Variants in GALNT3 observed in about 807,000 individuals in gnomAD.
The protein encoded by GALNT3 is polypeptide N-acetylgalactosaminyltransferase 3, also known as GalNAc transferase 3.
Under a neutral mutation model 69.8 loss-of-function variants are expected in GALNT3, and 51 were observed. That is an observed-to-expected ratio of 0.73 (90% CI 0.58 to 0.92). The LOEUF is 0.92. Ranked by LOEUF, GALNT3 falls within the 40% of genes least tolerant of loss-of-function variation. The probability of loss-of-function intolerance (pLI) is 0.00; values close to 1 mark genes in which losing one functional copy is unlikely to be tolerated. For missense variants in GALNT3, 711 were observed against 760.0 expected (o/e 0.94, Z 0.76); for synonymous variants, 265 against 248.5 (o/e 1.07, Z -0.63).
chr2:165,789,539 G>C (rs745435626), intron 1 of GALNT3, among the ~76,000 whole-genome samples: 3 of 152,118 alleles, frequency 2.0e-5, no homozygotes, highest in Non-Finnish European at 2.9e-5. Flanking sequence ...CTGGATGGTA[G>C]TACACATTTA....
intron 9 of GALNT3, 80 bp from the exon 10 acceptor site, chr2:165,749,974 G>A (rs534533721): frequency 1.1e-4 from 138 of 1,209,008 alleles, no homozygotes; most frequent in Middle Eastern, 1.9e-4. Context: ...TCAGCAACTC[G>A]TTAAATAATA....
At chr2:165,789,551 G>A (rs1574020801) in intron 1 of GALNT3, among the ~76,000 whole-genome samples, 1 of 152,224 alleles carries the variant, frequency 6.6e-6, no homozygotes, top group African/African-American at 2.4e-5. Context: ...ACACATTTAT[G>A]ATTCACTCTC....
At chr2:165,753,899 G>T (rs530905011) in intron 9 of GALNT3, among the ~76,000 whole-genome samples, 2 of 152,168 alleles carry the variant, frequency 1.3e-5, no homozygotes, top group South Asian at 4.1e-4. Flanking sequence ...GCTCTATTTT[G>T]TTATTAACAC....
intron 10 of GALNT3, among the ~76,000 whole-genome samples, chr2:165,749,394 TATA>T (rs780264167): frequency 2.0e-5 from 3 of 152,102 alleles, no homozygotes; most frequent in Non-Finnish European, 4.4e-5. Flanking sequence ...AGTGAGAAGA[TATA>T]ATAATTTTTC....
chr2:165,752,324 T>C (rs1048065600), intron 9 of GALNT3, among the ~76,000 whole-genome samples: 1 of 152,122 alleles, frequency 6.6e-6, no homozygotes, highest in Non-Finnish European at 1.5e-5. Context: ...CCTCTTAAAA[T>C]AACCACCCTA....
rs770030103 is a variant in GALNT3, at chr2:165,761,990, T to C, written c.753A>G (p.Gln251=). Residue 251 remains glutamine (Q), a synonymous_variant, in exon 4 of 11, where the codon CAA becomes CAG. Coordinates refer to ENST00000392701, the MANE Select transcript of GALNT3 (RefSeq NM_004482.4). The stretch of plus-strand genomic sequence containing the variant: ...CAGTGATCAGACCTTTTCTTTCTCT[T>C]TGTCTGACTATTTTTACTATAGAAA... ...KQFSIVKIVR[Q]RERKGLITAR... 31 of 1,609,828 alleles carry C rather than the reference T, an allele frequency of 1.9e-5. No homozygotes were observed. Among genetic ancestry groups the C allele is most frequent in the Non-Finnish European group, 2.5e-5 (29 of 1,176,198 alleles).
Position 165,757,035 on chromosome 2 carries a change from G to C in GALNT3, c.1392+12C>G, listed in dbSNP as rs778454917. The C allele has an allele frequency of 1.3e-6, 2 of 1,593,000 alleles. No homozygotes were observed. The highest frequency in any genetic ancestry group is 1.7e-6 in the Non-Finnish European group (2 of 1,161,358). ...GATTTTATTGCAATTTAACTACTTA[G>C]CTTTAACTTACTTGTTTAACAATTT... On this transcript the variant is annotated intron_variant, in intron 7 of 10. Transcript: ENST00000392701.
chr2:165,752,091 C>CT (rs1292932594), intron 9 of GALNT3, among the ~76,000 whole-genome samples: 3 of 152,114 alleles, frequency 2.0e-5, no homozygotes, highest in Non-Finnish European at 4.4e-5. Context: ...CAGTTAAGCC[C>CT]TACATGATCA....
chr2:165,747,721 T>C lies in GALNT3; in HGVS notation c.*1060A>G, dbSNP rs779239605. ...TTTACAAACAATAGGCGCTTAGAAA[T>C]TCAGCATACAAAATTCATTTTCCCC... is the stretch of plus-strand genomic sequence containing the variant. On this transcript the variant is annotated 3_prime_UTR_variant, in exon 11 of 11. Transcript: ENST00000392701. 1.9e-5 allele frequency: 3 copies of C among 156,122 alleles called. No individual in the cohort carries two copies. The highest frequency in any genetic ancestry group is 2.8e-5 in the Non-Finnish European group (2 of 70,538). 9.7% of individuals were successfully genotyped at this position (156,122 alleles called of 1,614,324 possible). A position where few individuals can be genotyped will look rare whatever the true frequency, so the allele number is the denominator to read the frequency against.
chr2:165,761,589 C>CT (rs932581364), intron 4 of GALNT3, among the ~76,000 whole-genome samples: 78 of 135,280 alleles, frequency 5.8e-4, no homozygotes, highest in Admixed American at 1.9e-3. Flanking sequence ...CAAACAAACA[C>CT]TTTTTTTTTT....
intron 1 of GALNT3, among the ~76,000 whole-genome samples, chr2:165,783,628 A>G (rs1209380448): frequency 6.6e-6 from 1 of 152,142 alleles, no homozygotes; most frequent in African/African-American, 2.4e-5. Context: ...GCAACTATTC[A>G]ATTCTGTTGT....
At chr2:165,756,175 C>T (rs1558995206) in intron 7 of GALNT3, among the ~76,000 whole-genome samples, 1 of 152,082 alleles carries the variant, frequency 6.6e-6, no homozygotes, top group South Asian at 2.1e-4. Flanking sequence ...CCGCAACAGC[C>T]AAAATATTGA....
chr2:165,781,850 G>A (rs1001882858), intron 1 of GALNT3, among the ~76,000 whole-genome samples: 3 of 152,174 alleles, frequency 2.0e-5, no homozygotes, highest in African/African-American at 7.2e-5. Flanking sequence ...AGGCAAGACT[G>A]TGAAGCCATA....
chr2:165,793,057 T>A (rs957307126), intron 1 of GALNT3, among the ~76,000 whole-genome samples: 4 of 152,030 alleles, frequency 2.6e-5, no homozygotes, highest in African/African-American at 9.7e-5. Flanking sequence ...ACAGAAATAG[T>A]TTCTTTGATG....
rs985527167 is a variant in GALNT3 at position 165,783,900 on chromosome 2, C to T, written c.-109+10115G>A. The stretch of plus-strand genomic sequence containing the variant: ...CATCATTTTTTATTATACATAAAAT[C>T]TGTGTCTACCTTTAAGATTAGGCTA... On this transcript the variant is annotated intron_variant, in intron 1 of 10. Coordinates refer to ENST00000392701, the MANE Select transcript of GALNT3 (RefSeq NM_004482.4). Among the ~76,000 whole-genome samples the T allele has an allele frequency of 2.6e-5, 4 of 152,100 alleles. No homozygotes were observed. The South Asian group carries it at 8.3e-4, about 32-fold the overall frequency.
At chr2:165,785,376 T>C (rs1370363768) in intron 1 of GALNT3, among the ~76,000 whole-genome samples, 1 of 152,208 alleles carries the variant, frequency 6.6e-6, no homozygotes, top group Non-Finnish European at 1.5e-5. Context: ...ACATATTGTT[T>C]TTATATTTTT....
At position 165,765,049 on chromosome 2, in the gene GALNT3, C is replaced by T; in HGVS notation, c.523G>A (p.Glu175Lys). ...GGAGGGCAGCGCTTAAATTTTTGTTCAATACATCTAGAAGAAGTCAGAGAA... is the reference window on the plus strand; with the variant it reads ...GGAGGGCAGCGCTTAAATTTTTGTTTAATACATCTAGAAGAAGTCAGAGAA... ...GPDTRPPECI[E>K]QKFKRCPPLP... The change falls in exon 3 of 11, where the codon GAA (glutamate) becomes AAA (lysine). Residue 175 changes from glutamate (E) to lysine (K), a missense_variant. Glu to Lys is a moderately conservative substitution (Grantham distance 56). Transcript: ENST00000392701. 5 of 1,613,858 alleles carry T rather than the reference C, an allele frequency of 3.1e-6. No individual in the cohort carries two copies. The highest frequency in any genetic ancestry group is 4.2e-6 in the Non-Finnish European group (5 of 1,179,830).
chr2:165,770,635 C>T lies in GALNT3; in HGVS notation c.66G>A (p.Lys22=), dbSNP rs755884931. The part of the protein sequence containing the change: ...IKRHYHKKFW[K]LGAVIFFFII... ...TAAAGAAAAAAATTACTGCACCAAG[C>T]TTCCAGAACTTTTTATGGTAATGTC... Residue 22 remains lysine (K), a synonymous_variant, in exon 2 of 11, where the codon AAG becomes AAA. Transcript: ENST00000392701. 1.2e-6 allele frequency: 2 copies of T among 1,600,910 alleles called. No homozygotes were observed. The highest frequency in any genetic ancestry group is 2.2e-5 in the East Asian group (1 of 44,794).
chr2:165,790,511 T>C (rs985480769), intron 1 of GALNT3, among the ~76,000 whole-genome samples: 1 of 152,146 alleles, frequency 6.6e-6, no homozygotes, highest in Non-Finnish European at 1.5e-5. Context: ...GGATTTTATA[T>C]CTATAAAGTA....
Sources: gnomAD v4.1 joint callset for allele counts (sites outside exome capture counted in the v4.1 genomes callset) on GRCh38, gnomAD v4.1.1 for gene constraint, MANE v1.5 for transcripts, NCBI Gene and HGNC (gene_info 2026-07-23, HGNC 2026-07-21) for gene names.